The following PDE11A variants were observed in gnomAD, a reference collection of about 807,000 sequenced individuals.
PDE11A encodes the protein phosphodiesterase 11A.
Under a neutral mutation model 100.5 loss-of-function variants are expected in PDE11A, and 100 were observed. The observed-to-expected ratio is 1.00, with a 90% confidence interval of 0.85 to 1.18. The LOEUF (loss-of-function observed/expected upper bound fraction) is 1.18, where lower values mean the gene tolerates loss of function less well. PDE11A is among the 50% of genes most tolerant of loss of function. The pLI is 0.00. For missense variants in PDE11A, 1,141 were observed against 1,152.6 expected, an observed-to-expected ratio of 0.99 and a Z score of 0.15; for synonymous variants, 381 against 420.8, an observed-to-expected ratio of 0.91 and a Z score of 1.16.
At chr2:177,858,737 C>T (rs1303312042) in intron 5 of PDE11A, among the ~76,000 whole-genome samples, 2 of 152,086 alleles carry the variant, frequency 1.3e-5, no homozygotes, top group Non-Finnish European at 2.9e-5. Flanking sequence ...CCAGCCATCC[C>T]ATTACTGGGT....
chr2:177,665,675 G>A (rs2080564793), intron 18 of PDE11A, among the ~76,000 whole-genome samples: 1 of 151,444 alleles, frequency 6.6e-6, no homozygotes, highest in South Asian at 2.1e-4. Context: ...GGCCAACATG[G>A]CGAAACCCTG....
chr2:178,018,548 C>A, intron 1 of PDE11A: 1 of 379,938 alleles, frequency 2.6e-6, no homozygotes, highest in East Asian at 6.8e-5. Context: ...CATGCCATTC[C>A]ACTAACAATA....
At chr2:177,845,899 A>C (rs2083590986) in intron 5 of PDE11A, among the ~76,000 whole-genome samples, 1 of 148,798 alleles carries the variant, frequency 6.7e-6, no homozygotes, top group Non-Finnish European at 1.5e-5. Context: ...GCGTGCCTGC[A>C]ATCGCAGGCA....
At chr2:177,798,035 G>A (rs1444053745) in intron 9 of PDE11A, among the ~76,000 whole-genome samples, 1 of 152,146 alleles carries the variant, frequency 6.6e-6, no homozygotes, top group Non-Finnish European at 1.5e-5. Context: ...CTCAGGCCCT[G>A]CCTCTCCCCT....
At chr2:177,771,247 G>A (rs920703269) in intron 9 of PDE11A, among the ~76,000 whole-genome samples, 1 of 152,194 alleles carries the variant, frequency 6.6e-6, no homozygotes, top group Non-Finnish European at 1.5e-5. Context: ...AAAGTAACAT[G>A]CTTTATTTCA....
At chr2:177,849,551 C>T (rs1289060923) in intron 5 of PDE11A, among the ~76,000 whole-genome samples, 1 of 152,092 alleles carries the variant, frequency 6.6e-6, no homozygotes, top group African/African-American at 2.4e-5. Flanking sequence ...AACAGACAAA[C>T]AGAGAGCCAA....
At chr2:178,091,778 G>A (rs1004602954) in intron 2 of PDE11A, among the ~76,000 whole-genome samples, 6 of 36,804 alleles carry the variant, frequency 1.6e-4, no homozygotes, top group Non-Finnish European at 6.0e-4. Flanking sequence ...CTGTAAGTGG[G>A]TGGGGGGGCT....
At chr2:177,813,831 C>T (rs902410202) in intron 9 of PDE11A, among the ~76,000 whole-genome samples, 2 of 139,686 alleles carry the variant, frequency 1.4e-5, no homozygotes, top group African/African-American at 5.6e-5. Context: ...TTGTTGCTAA[C>T]CGGAAAAAAA....
chr2:177,792,086 C>T (rs950332382), intron 9 of PDE11A, among the ~76,000 whole-genome samples: 2 of 152,168 alleles, frequency 1.3e-5, no homozygotes, highest in African/African-American at 2.4e-5. Context: ...TAATTTATAA[C>T]TATTTCAAAA....
intron 2 of PDE11A, among the ~76,000 whole-genome samples, chr2:178,006,827 G>C (rs201498590): frequency 0.015 from 2,250 of 147,196 alleles, 46 homozygotes; most frequent in East Asian, 0.093. Flanking sequence ...AAAACAAGGG[G>C]GGGGGGGGAA....
Position 177,642,279 on chromosome 2 carries a change from G to A in PDE11A, c.2647-12717C>T, listed in dbSNP as rs562609348. The stretch of plus-strand genomic sequence containing the variant: ...GAGGTCAAGATTGGTCAGAAGGCAA[G>A]TAAGAGGCAGAGTCACCCTGGAAAA... On this transcript the variant is annotated intron_variant, in intron 19 of 19. Transcript: ENST00000286063. Among the ~76,000 whole-genome samples the A allele has an allele frequency of 7.2e-5, 11 of 152,340 alleles. No individual in the cohort carries two copies. The East Asian group carries it at 1.9e-3, about 27-fold the overall frequency.
At chr2:178,029,409 T>C (rs1387772463) in intron 1 of PDE11A, among the ~76,000 whole-genome samples, 1 of 152,082 alleles carries the variant, frequency 6.6e-6, no homozygotes, top group Non-Finnish European at 1.5e-5. Flanking sequence ...AAAATTAAAA[T>C]AGAAGTTATA....
At chr2:178,069,550 C>T (rs964975496) in intron 1 of PDE11A, among the ~76,000 whole-genome samples, 1 of 152,042 alleles carries the variant, frequency 6.6e-6, no homozygotes, top group African/African-American at 2.4e-5. Flanking sequence ...ACCCAGTCCC[C>T]TTTTGTGGCC....
chr2:178,019,838 T>G (rs2086384227), intron 1 of PDE11A, among the ~76,000 whole-genome samples: 1 of 152,178 alleles, frequency 6.6e-6, no homozygotes, highest in African/African-American at 2.4e-5. Context: ...AAGTATCATT[T>G]ACTGGAATGG....
At chr2:177,876,058 C>T in intron 4 of PDE11A, 135 bp from the exon 5 acceptor site, 1 of 696,758 alleles carries the variant, frequency 1.4e-6, no homozygotes, top group Non-Finnish European at 2.6e-6. Context: ...TGGAGAAATC[C>T]CAAGACAGAG....
At position 177,817,896 on chromosome 2, in the gene PDE11A, C is replaced by T. The variant is rs775354403; in HGVS notation, c.1606G>A (p.Gly536Arg). ...GVAQVLNRLD[G>R]KPFDDADQRL... is the part of the protein sequence containing the mutation. ...TGATCTGCATCATCAAAAGGTTTCC[C>T]ATCAAGTCTGTTTAACACTTGAGCC... is the stretch of plus-strand genomic sequence containing the variant. The change falls in exon 8 of 20, where the codon GGG becomes AGG. Residue 536 changes from glycine to arginine, a missense_variant. Coordinates refer to ENST00000286063, the MANE Select transcript of PDE11A (RefSeq NM_016953.4). 2.6e-6 allele frequency: 4 copies of T among 1,548,404 alleles called. No homozygotes were observed. The South Asian group carries it at 4.5e-5, about 17-fold the overall frequency.
intron 2 of PDE11A, chr2:177,998,500 T>C: frequency 7.2e-7 from 1 of 1,382,944 alleles, no homozygotes. Context: ...TTTTCTCCAG[T>C]GGTAAATTGA....
rs1040380865 is a variant in PDE11A at position 177,629,657 on chromosome 2, T to A, written c.2647-95A>T. 3.9e-6 allele frequency: 5 copies of A among 1,267,880 alleles called. No individual in the cohort carries two copies. The Admixed American group carries it at 8.5e-5, about 22-fold the overall frequency. 78.5% of individuals were successfully genotyped at this position (1,267,880 alleles called of 1,614,324 possible). On this transcript the variant is annotated intron_variant, in intron 19 of 19. Coordinates refer to ENST00000286063, the MANE Select transcript of PDE11A (RefSeq NM_016953.4). ...TTTCACTTATGAGGAGAATGGAAAC[T>A]GGCTATAGGAAATGAAAGTGATGAT... is the stretch of plus-strand genomic sequence containing the variant.
intron 3 of PDE11A, among the ~76,000 whole-genome samples, chr2:177,899,315 C>T (rs920998599): frequency 2.0e-5 from 3 of 152,148 alleles, no homozygotes; most frequent in Admixed American, 6.5e-5. Context: ...GAGGCTGAGG[C>T]AGAATTGCTT....
Sources: gnomAD v4.1 joint callset for allele counts (sites outside exome capture counted in the v4.1 genomes callset) on GRCh38, gnomAD v4.1.1 for gene constraint, MANE v1.5 for transcripts, NCBI Gene and HGNC (gene_info 2026-07-23, HGNC 2026-07-21) for gene names.